Variants in RYR2 observed in about 807,000 individuals in gnomAD.
RYR2 encodes ryanodine receptor 2, also known as cardiac muscle ryanodine receptor-calcium release channel.
A neutral mutation model predicts 601.1 loss-of-function variants in RYR2; 227 were observed. The observed-to-expected ratio is 0.38, with a 90% CI of 0.34 to 0.42. The LOEUF is 0.42. Ranked by LOEUF, RYR2 falls within the 10% of genes least tolerant of loss-of-function variation. RYR2 has a pLI of 1.00. For missense variants in RYR2, 4,646 were observed against 6,156.5 expected (o/e 0.75, Z 8.21); for synonymous variants, 2,223 against 2,175.1 (o/e 1.02, Z -0.61).
chr1:237,202,415 AT>A (rs977366598), intron 1 of RYR2, among the ~76,000 whole-genome samples: 6 of 148,712 alleles, frequency 4.0e-5, no homozygotes, highest in South Asian at 2.2e-4. Context: ...TTTAAACAAC[AT>A]TTTTTTTTTC....
chr1:237,678,265 A>G (rs1573481744), intron 61 of RYR2, among the ~76,000 whole-genome samples, 153 bp downstream of exon 61: 1 of 152,318 alleles, frequency 6.6e-6, no homozygotes. Context: ...TGCATGAATC[A>G]TCTTCCCAGC....
intron 10 of RYR2, 43 bp downstream of exon 10, chr1:237,388,226 C>A: frequency 6.5e-7 from 1 of 1,528,624 alleles, no homozygotes; most frequent in Non-Finnish European, 9.0e-7. Flanking sequence ...CACTCTTTTG[C>A]CTTGATGTAA....
At chr1:237,791,599 T>C in intron 93 of RYR2, 84 bp downstream of exon 93, 2 of 745,074 alleles carry the variant, frequency 2.7e-6, no homozygotes, top group Non-Finnish European at 4.7e-6. Flanking sequence ...ACGTATCTAC[T>C]ACTGCTAGTG....
At chr1:237,193,957 C>T (rs1680288515) in intron 1 of RYR2, among the ~76,000 whole-genome samples, 1 of 152,166 alleles carries the variant, frequency 6.6e-6, no homozygotes, top group South Asian at 2.1e-4. Context: ...CATAACTTTT[C>T]ATTCTATCTT....
At chr1:237,520,441 T>C (rs1223026855) in intron 24 of RYR2, among the ~76,000 whole-genome samples, 1 of 152,142 alleles carries the variant, frequency 6.6e-6, no homozygotes, top group Non-Finnish European at 1.5e-5. Context: ...GCTGTGAGAT[T>C]GTTGTATATG....
At chr1:237,631,237 C>A (rs559329358) in intron 41 of RYR2, among the ~76,000 whole-genome samples, 190 bp from the exon 42 acceptor site, 3 of 152,238 alleles carry the variant, frequency 2.0e-5, no homozygotes, top group Non-Finnish European at 4.4e-5. Flanking sequence ...ATTCGTCAAC[C>A]AATTTTGGTA....
At chr1:237,400,974 G>T (rs1703301249) in intron 10 of RYR2, among the ~76,000 whole-genome samples, 1 of 152,078 alleles carries the variant, frequency 6.6e-6, no homozygotes, top group Admixed American at 6.5e-5. Context: ...GTGTTTGGTG[G>T]GACCTCAAAG....
intron 43 of RYR2, 75 bp from the exon 44 acceptor site, chr1:237,634,814 G>A (rs1680706020): frequency 9.4e-7 from 1 of 1,061,246 alleles, no homozygotes; most frequent in Non-Finnish European, 1.4e-6. Context: ...AATTTTAAGA[G>A]GTAGTATATT....
intron 1 of RYR2, among the ~76,000 whole-genome samples, chr1:237,095,563 G>T (rs1667426838): frequency 6.6e-6 from 1 of 152,218 alleles, no homozygotes; most frequent in South Asian, 2.1e-4. Context: ...CTCAAGGGAA[G>T]TACCCACAAG....
At chr1:237,375,777 A>G (rs951800451) in intron 7 of RYR2, among the ~76,000 whole-genome samples, 1 of 152,170 alleles carries the variant, frequency 6.6e-6, no homozygotes, top group African/African-American at 2.4e-5. Context: ...TTCTTATTCT[A>G]GTTAATGTAT....
At chr1:237,220,523 C>T (rs1162299243) in intron 1 of RYR2, among the ~76,000 whole-genome samples, 1 of 152,194 alleles carries the variant, frequency 6.6e-6, no homozygotes, top group African/African-American at 2.4e-5. Context: ...GACTTCTCTG[C>T]TTCTGTGGTC....
At chr1:237,595,404 C>T (rs918292804) in intron 33 of RYR2, 94 bp from the exon 34 acceptor site, 110 of 1,438,306 alleles carry the variant, frequency 7.6e-5, no homozygotes, top group Admixed American at 2.4e-5. Context: ...GAGCTTGTTG[C>T]TTGCGCAGCA....
At chr1:237,186,240 C>T (rs1294096123) in intron 1 of RYR2, among the ~76,000 whole-genome samples, 1 of 152,182 alleles carries the variant, frequency 6.6e-6, no homozygotes, top group Non-Finnish European at 1.5e-5. Flanking sequence ...CATAATTACT[C>T]CCTGTGGCAA....
intron 47 of RYR2, 55 bp from the exon 48 acceptor site, chr1:237,643,271 GA>G (rs1278607173): frequency 1.3e-6 from 2 of 1,594,552 alleles, no homozygotes; most frequent in African/African-American, 2.7e-5. Flanking sequence ...TTCCTAGACA[GA>G]ATTGTAACAT....
chr1:237,261,644 C>G (rs1356513468), intron 1 of RYR2, among the ~76,000 whole-genome samples: 1 of 152,136 alleles, frequency 6.6e-6, no homozygotes, highest in African/African-American at 2.4e-5. Flanking sequence ...ACCTGTAATC[C>G]CAGCACTTTG....
At chr1:237,506,134 C>T (rs74887478) in intron 22 of RYR2, among the ~76,000 whole-genome samples, 1,509 of 148,126 alleles carry the variant, frequency 0.01, 30 homozygotes, top group African/African-American at 0.033. Flanking sequence ...ATCCATTAAA[C>T]ATCTTTTGGT....
chr1:237,079,625 A>G (rs1448681300), intron 1 of RYR2, among the ~76,000 whole-genome samples: 1 of 62,092 alleles, frequency 1.6e-5, no homozygotes, highest in African/African-American at 1.0e-4. Flanking sequence ...AAGGAAATAA[A>G]AGAGGACACA....
chr1:237,124,338 TA>T lies in RYR2; in HGVS notation c.48+81770del, dbSNP rs1671167639. On this transcript the variant is annotated intron_variant, in intron 1 of 104. Transcript: ENST00000366574. The stretch of plus-strand genomic sequence containing the variant: ...AGTAGTTTCACAGTTGACCATTCGG[TA>T]TCTGCTTGATTACCTTCAGAAACAG... Among the ~76,000 whole-genome samples, 4 of 152,342 alleles carry T rather than the reference TA, an allele frequency of 2.6e-5. No homozygotes were observed. In the South Asian group the frequency reaches 6.2e-4, roughly 24 times the overall value.
chr1:237,064,751 C>CTTTTT (rs551797601), intron 1 of RYR2, among the ~76,000 whole-genome samples: 7 of 110,002 alleles, frequency 6.4e-5, no homozygotes, highest in African/African-American at 2.8e-4. Context: ...TAGAACCTGT[C>CTTTTT]TTTTTTTTTT....
Sources: gnomAD v4.1 joint callset for allele counts (sites outside exome capture counted in the v4.1 genomes callset) on GRCh38, gnomAD v4.1.1 for gene constraint, MANE v1.5 for transcripts, NCBI Gene and HGNC (gene_info 2026-07-23, HGNC 2026-07-21) for gene names.